Variants in HNF1B observed in about 807,000 individuals in gnomAD.
The protein encoded by HNF1B is hepatocyte nuclear factor 1-beta.
Under a neutral mutation model 61.7 loss-of-function variants are expected in HNF1B, and 8 were observed. The ratio of observed to expected loss-of-function variants is 0.13; its 90% confidence interval spans 0.08 to 0.23. The LOEUF (loss-of-function observed/expected upper bound fraction) is 0.23, where lower values mean the gene tolerates loss of function less well. Among genes scored for constraint, HNF1B ranks in the 10% least tolerant of loss-of-function variants. The pLI, the probability that HNF1B is intolerant of heterozygous loss-of-function variation, is 1.00. For missense variants in HNF1B, 562 were observed against 714.5 expected, an observed-to-expected ratio of 0.79 and a Z score of 2.43; for synonymous variants, 314 against 287.7, an observed-to-expected ratio of 1.09 and a Z score of -0.93.
chr17:37,728,036 G>A (rs1213489803), intron 4 of HNF1B, among the ~76,000 whole-genome samples: 1 of 151,872 alleles, frequency 6.6e-6, no homozygotes, highest in African/African-American at 2.4e-5. Flanking sequence ...TGTTGCTCAG[G>A]TTGGAGTGGA....
rs764848206 is a variant in HNF1B, at chr17:37,710,517, G to A, written c.1192C>T (p.Pro398Ser). ...GGTGTACTCACCATTTTACCATCAG[G>A]TGAGAGGAGATTGTGGCCTGGGTCC... ...SLDPGHNLLSPDGKMISVSGG... is the reference protein window; with the variant it reads ...SLDPGHNLLSSDGKMISVSGG... Residue 398 changes from proline (P) to serine (S), a missense_variant, in exon 5 of 9, where the codon CCT becomes TCT. Transcript: ENST00000617811. 1 of 1,614,226 alleles carries A rather than the reference G, an allele frequency of 6.2e-7. No individual in the cohort carries two copies. Among genetic ancestry groups the A allele is most frequent in the East Asian group, 2.2e-5 (1 of 44,884 alleles).
At chr17:37,742,069 G>A (rs942712560) in intron 1 of HNF1B, among the ~76,000 whole-genome samples, 1 of 152,192 alleles carries the variant, frequency 6.6e-6, no homozygotes, top group African/African-American at 2.4e-5. Context: ...TCCCGAAGAG[G>A]GCCTGCGGCC....
At chr17:37,706,676 T>TAA (rs35797632) in intron 5 of HNF1B, among the ~76,000 whole-genome samples, 46,379 of 130,996 alleles carry the variant, frequency 0.35, 9,490 homozygotes, top group Non-Finnish European at 0.46. Flanking sequence ...TACCAGTCAT[T>TAA]AAAAAAAAAA....
chr17:37,734,138 A>T (rs981928502), intron 2 of HNF1B, among the ~76,000 whole-genome samples: 1 of 152,228 alleles, frequency 6.6e-6, no homozygotes, highest in African/African-American at 2.4e-5. Flanking sequence ...AACACTCTGC[A>T]TCCTGAACTC....
chr17:37,701,425 A>G (rs1368528591), intron 6 of HNF1B, among the ~76,000 whole-genome samples: 1 of 152,236 alleles, frequency 6.6e-6, no homozygotes, highest in Non-Finnish European at 1.5e-5. Flanking sequence ...AGAGTCTCCC[A>G]GAGTCATCCT....
At chr17:37,701,586 T>C (rs1277962146) in intron 6 of HNF1B, among the ~76,000 whole-genome samples, 8 of 152,218 alleles carry the variant, frequency 5.3e-5, no homozygotes, top group Non-Finnish European at 1.2e-4. Flanking sequence ...GCACAGGTTA[T>C]TGCCCAGATC....
intron 8 of HNF1B, among the ~76,000 whole-genome samples, chr17:37,693,494 T>C (rs115107139): frequency 3.2e-3 from 491 of 152,272 alleles, no homozygotes; most frequent in African/African-American, 0.011. Context: ...ACCTCTAAAA[T>C]AGCACTGCTC....
Position 37,745,049 on chromosome 17 carries a change from A to G in HNF1B, c.-165T>C. The G allele has an allele frequency of 6.3e-6, 4 of 630,986 alleles. No individual in the cohort carries two copies. The highest frequency in any genetic ancestry group is 1.1e-5 in the Non-Finnish European group (4 of 358,142). The allele number at this position is 630,986 out of a possible 1,614,324, so 39.1% of individuals were successfully genotyped here. On this transcript the variant is annotated 5_prime_UTR_variant, in exon 1 of 9. Coordinates refer to ENST00000617811, the MANE Select transcript of HNF1B (RefSeq NM_000458.4). ...CCCGGAGGCTCCTCCGAAAGGAGTC[A>G]GAAAACTTCTAACTTGCCATGATCG...
chr17:37,710,588 A>G lies in HNF1B; in HGVS notation c.1121T>C (p.Met374Thr). ...CTGTAAAACCGACTGGCTGGTCACC[A>G]TGGCGCTGTTGCCATGGTGACTGAT... ...STISHHGNSA[M>T]VTSQSVLQQV... Residue 374 changes from methionine (M) to threonine (T), a missense_variant, in exon 5 of 9, where the codon ATG (methionine) becomes ACG (threonine). Around this residue, in one of 6 missense-constraint regions of HNF1B, gnomAD observed 211 missense variants for 200.7 expected, o/e 1.05. Transcript: ENST00000617811. The G allele has an allele frequency of 5.6e-6, 9 of 1,596,476 alleles. No homozygotes were observed. Among genetic ancestry groups the G allele is most frequent in the South Asian group, 1.1e-5 (1 of 87,810 alleles).
In HNF1B at chr17:37,739,994, T is replaced by C. The variant is rs141588564; in HGVS notation, c.345-355A>G. 2.7e-4 allele frequency among the ~76,000 whole-genome samples: 41 copies of C among 152,048 alleles called. 1 individual carries two copies. The East Asian group carries it at 4.4e-3, about 16-fold the overall frequency. On this transcript the variant is annotated intron_variant, in intron 1 of 8. Coordinates refer to ENST00000617811, the MANE Select transcript of HNF1B (RefSeq NM_000458.4). ...TATTATTATTTTTTTTGATGTGGAG[T>C]TTTGCTCTTGTCACCCAGGCTGGAG...
At chr17:37,711,008 C>A (rs1318960788) in intron 4 of HNF1B, among the ~76,000 whole-genome samples, 1 of 152,214 alleles carries the variant, frequency 6.6e-6, no homozygotes, top group African/African-American at 2.4e-5. Flanking sequence ...CCGCACAGTT[C>A]TTTGAGGATT....
chr17:37,694,534 G>A (rs1165272598), intron 8 of HNF1B, among the ~76,000 whole-genome samples: 2 of 150,320 alleles, frequency 1.3e-5, no homozygotes, highest in East Asian at 2.0e-4. Context: ...TGGAGGAACA[G>A]AAGAAGACAG....
At chr17:37,696,800 T>G (rs2032401003) in intron 8 of HNF1B, among the ~76,000 whole-genome samples, 1 of 152,210 alleles carries the variant, frequency 6.6e-6, no homozygotes. Flanking sequence ...CTTTCAGAAC[T>G]CACTTCTGAC....
At chr17:37,730,829 CAGA>C (rs1243884843) in intron 4 of HNF1B, 1 of 152,894 alleles carries the variant, frequency 6.5e-6, no homozygotes, top group Non-Finnish European at 1.5e-5. Flanking sequence ...AATGAAGGAC[CAGA>C]AGAAGTGCTC....
chr17:37,737,792 G>T (rs187886494), intron 2 of HNF1B, among the ~76,000 whole-genome samples: 1 of 152,038 alleles, frequency 6.6e-6, no homozygotes, highest in Non-Finnish European at 1.5e-5. Context: ...CCAAGATCGC[G>T]CCACTGCACT....
In HNF1B at chr17:37,687,164, A is replaced by G; in HGVS notation, c.*208T>C. On this transcript the variant is annotated 3_prime_UTR_variant, in exon 9 of 9. Transcript: ENST00000617811. Reference sequence around the variant, plus strand: ...GACATCGTGGGAGAGGCATTGTGGCAATACTGCATAGAAGGGAAACTGGGC... The same window carrying G: ...GACATCGTGGGAGAGGCATTGTGGCGATACTGCATAGAAGGGAAACTGGGC... The G allele has an allele frequency of 1.4e-6, 1 of 734,610 alleles. No individual in the cohort carries two copies. Among genetic ancestry groups the G allele is most frequent in the South Asian group, 1.6e-5 (1 of 63,898 alleles). The allele number at this position is 734,610 out of a possible 1,614,324, so 45.5% of individuals were successfully genotyped here.
At position 37,696,902 on chromosome 17, in the gene HNF1B, C is replaced by T. The variant is rs183622362; in HGVS notation, c.1653+2174G>A. 3.7e-3 allele frequency among the ~76,000 whole-genome samples: 564 copies of T among 152,326 alleles called. 2 individuals carry two copies. The highest frequency in any genetic ancestry group is 0.012 in the African/African-American group (513 of 41,566). ...CAGCACCTTTACCCTCATTTTACTT[C>T]ACTGTGCCTTTCCCATTCCTCCTTC... On this transcript the variant is annotated intron_variant, in intron 8 of 8. Coordinates refer to ENST00000617811, the MANE Select transcript of HNF1B (RefSeq NM_000458.4).
Position 37,744,889 on chromosome 17 carries a change from C to T in HNF1B, c.-5G>A, listed in dbSNP as rs1568676977. 8.3e-7 allele frequency: 1 copy of T among 1,209,412 alleles called. No individual in the cohort carries two copies. The highest frequency in any genetic ancestry group is 2.0e-5 in the Admixed American group (1 of 49,822). The allele number at this position is 1,209,412 out of a possible 1,614,324, so 74.9% of individuals were successfully genotyped here. ...CGACGTGAGCTTGGACACCATTTTC[C>T]AAGGACGGAAAAAGAAGGGGGTGAG... On this transcript the variant is annotated 5_prime_UTR_variant, in exon 1 of 9. Coordinates refer to ENST00000617811, the MANE Select transcript of HNF1B (RefSeq NM_000458.4).
At position 37,731,413 on chromosome 17, in the gene HNF1B, T is replaced by C. The variant is rs960515549; in HGVS notation, c.1045+182A>G. ...CACAGGGCAATGGCTGAACCAGGAGTTGGAGGAAACTGATCAGAGCCACAC... is the reference window on the plus strand; with the variant it reads ...CACAGGGCAATGGCTGAACCAGGAGCTGGAGGAAACTGATCAGAGCCACAC... On this transcript the variant is annotated intron_variant, in intron 4 of 8. Coordinates refer to ENST00000617811, the MANE Select transcript of HNF1B (RefSeq NM_000458.4). 4.3e-6 allele frequency: 3 copies of C among 697,434 alleles called. No individual in the cohort carries two copies. In the African/African-American group the frequency reaches 5.3e-5, roughly 12 times the overall value. 43.2% of individuals were successfully genotyped at this position (697,434 alleles called of 1,614,324 possible).
Sources: allele counts gnomAD v4.1 joint callset (sites outside exome capture counted in the v4.1 genomes callset), GRCh38; gene constraint gnomAD v4.1.1; regional missense constraint gnomAD v4.1.1; transcripts MANE v1.5; gene names NCBI Gene and HGNC (gene_info 2026-07-23, HGNC 2026-07-21).